The following SGCZ variants were observed in gnomAD, a reference collection of about 807,000 sequenced individuals.
SGCZ encodes sarcoglycan zeta, also known as zeta-sarcoglycan.
SGCZ carries 40 observed loss-of-function variants against 41.3 expected under a neutral mutation model. That is an observed-to-expected ratio of 0.97 (90% confidence interval 0.75 to 1.26). The LOEUF (loss-of-function observed/expected upper bound fraction) is 1.26. SGCZ is among the 50% of genes most tolerant of loss of function. The pLI is 0.00. For synonymous variants in SGCZ, 206 were observed against 137.5 expected, an observed-to-expected ratio of 1.50 and a Z score of -3.49; for missense variants, 552 against 369.8, an observed-to-expected ratio of 1.49 and a Z score of -4.04.
At chr8:14,815,933 C>A (rs954094668) in intron 1 of SGCZ, among the ~76,000 whole-genome samples, 3 of 152,158 alleles carry the variant, frequency 2.0e-5, no homozygotes, top group African/African-American at 7.2e-5. Flanking sequence ...TGTTGGTCCA[C>A]CCTCTTTAGA....
intron 1 of SGCZ, among the ~76,000 whole-genome samples, chr8:14,652,209 C>T (rs527265608): frequency 6.2e-4 from 94 of 151,154 alleles, no homozygotes; most frequent in African/African-American, 2.1e-3. Flanking sequence ...GGCGTGGTGG[C>T]GAATGCATGT....
intron 3 of SGCZ, among the ~76,000 whole-genome samples, chr8:14,281,796 T>C (rs958252858): frequency 6.6e-6 from 1 of 152,120 alleles, no homozygotes; most frequent in Non-Finnish European, 1.5e-5. Context: ...ATAAGTACAC[T>C]TCTAAGAAAT....
chr8:14,814,569 C>T lies in SGCZ; in HGVS notation c.40-259643G>A, dbSNP rs938043454. Among the ~76,000 whole-genome samples, 5 of 152,246 alleles carry T rather than the reference C, an allele frequency of 3.3e-5. No individual in the cohort carries two copies. In the East Asian group the frequency reaches 9.7e-4, roughly 29 times the overall value. On this transcript the variant is annotated intron_variant, in intron 1 of 7. Coordinates refer to ENST00000382080, the MANE Select transcript of SGCZ (RefSeq NM_139167.4). Reference sequence around the variant, plus strand: ...ATCTCATAGCCAAAGAAATAATTGACCTTCTATCTATCTTGTTATTTGGCC... The same window carrying T: ...ATCTCATAGCCAAAGAAATAATTGATCTTCTATCTATCTTGTTATTTGGCC...
At chr8:14,535,993 A>G (rs1201442084) in intron 2 of SGCZ, among the ~76,000 whole-genome samples, 3 of 151,902 alleles carry the variant, frequency 2.0e-5, no homozygotes, top group Non-Finnish European at 2.9e-5. Context: ...TGATTAATCA[A>G]TAAGCTTAGG....
chr8:14,728,838 T>A (rs2130227209), intron 1 of SGCZ, among the ~76,000 whole-genome samples: 1 of 152,244 alleles, frequency 6.6e-6, no homozygotes, highest in East Asian at 1.9e-4. Flanking sequence ...AGCAAATACA[T>A]CCCAAGTTCT....
intron 3 of SGCZ, among the ~76,000 whole-genome samples, chr8:14,292,166 G>C (rs117151302): frequency 9.2e-5 from 14 of 152,084 alleles, no homozygotes; most frequent in Admixed American, 9.2e-4. Context: ...GTACGAACTA[G>C]GAGCTAGATG....
chr8:14,453,691 C>G (rs1800662193), intron 2 of SGCZ, among the ~76,000 whole-genome samples: 1 of 152,180 alleles, frequency 6.6e-6, no homozygotes, highest in Non-Finnish European at 1.5e-5. Flanking sequence ...ATGCTAATCC[C>G]TACAGATTTT....
At chr8:14,402,033 G>A (rs1799091491) in intron 2 of SGCZ, among the ~76,000 whole-genome samples, 1 of 152,094 alleles carries the variant, frequency 6.6e-6, no homozygotes, top group Admixed American at 6.6e-5. Flanking sequence ...TTTCTCTGAT[G>A]GCCATGGATG....
In SGCZ at chr8:14,239,440, T is replaced by C. The variant is rs578033328; in HGVS notation, c.337-1761A>G. ...GAAAAAACTATAGGTCAAAATTATG[T>C]TCACTTTCTCTCAATATTTGTATGA... On this transcript the variant is annotated intron_variant, in intron 3 of 7. Transcript: ENST00000382080. Among the ~76,000 whole-genome samples, 3 of 152,286 alleles carry C rather than the reference T, an allele frequency of 2.0e-5. No individual in the cohort carries two copies. The South Asian group carries it at 6.2e-4, about 32-fold the overall frequency.
intron 1 of SGCZ, among the ~76,000 whole-genome samples, chr8:15,129,054 T>C (rs187093951): frequency 6.6e-6 from 1 of 152,314 alleles, no homozygotes; most frequent in East Asian, 1.9e-4. Flanking sequence ...CTCCCTATTA[T>C]CTTCCTCCAC....
intron 2 of SGCZ, among the ~76,000 whole-genome samples, chr8:14,432,069 T>A (rs370359033): frequency 6.6e-5 from 10 of 152,212 alleles, no homozygotes; most frequent in Admixed American, 2.0e-4. Context: ...GGAACACTTC[T>A]ACCCTGCTGG....
chr8:14,820,812 C>T (rs1802053028), intron 1 of SGCZ, among the ~76,000 whole-genome samples: 1 of 151,090 alleles, frequency 6.6e-6, no homozygotes, highest in African/African-American at 2.4e-5. Flanking sequence ...AACAACAAAA[C>T]CTATGGAACA....
At chr8:14,109,770 G>A (rs1249986274) in intron 5 of SGCZ, among the ~76,000 whole-genome samples, 1 of 152,068 alleles carries the variant, frequency 6.6e-6, no homozygotes, top group Admixed American at 6.6e-5. Context: ...CCTTGATCAT[G>A]AATAGAACAG....
intron 3 of SGCZ, among the ~76,000 whole-genome samples, chr8:14,274,112 T>C (rs1254043930): frequency 3.3e-5 from 5 of 152,184 alleles, no homozygotes; most frequent in Admixed American, 3.3e-4. Flanking sequence ...TTTCTTGAAG[T>C]TTCATTTGCA....
chr8:14,215,695 G>A (rs1265008510), intron 4 of SGCZ, among the ~76,000 whole-genome samples: 1 of 151,912 alleles, frequency 6.6e-6, no homozygotes, highest in Non-Finnish European at 1.5e-5. Flanking sequence ...AGAATAATAA[G>A]ATATCATAAA....
intron 2 of SGCZ, among the ~76,000 whole-genome samples, chr8:14,394,406 T>G (rs1585447114): frequency 1.3e-5 from 2 of 151,974 alleles, no homozygotes; most frequent in South Asian, 2.1e-4. Flanking sequence ...GCCTCGGCCT[T>G]TCAAAGTGCT....
intron 4 of SGCZ, among the ~76,000 whole-genome samples, chr8:14,180,503 T>C (rs1204111901): frequency 6.6e-6 from 1 of 151,980 alleles, no homozygotes; most frequent in East Asian, 1.9e-4. Context: ...GAACAAAATA[T>C]AGACTGGAAG....
intron 2 of SGCZ, among the ~76,000 whole-genome samples, chr8:14,378,508 G>A (rs1214886865): frequency 6.6e-6 from 1 of 152,006 alleles, no homozygotes; most frequent in Non-Finnish European, 1.5e-5. Flanking sequence ...CAAAATGGGG[G>A]AAAATTTTCA....
rs182821099 is a variant in SGCZ, at chr8:14,347,486, A to G, written c.235-23282T>C. 4.9e-3 allele frequency among the ~76,000 whole-genome samples: 750 copies of G among 152,226 alleles called. 5 individuals carry two copies. The highest frequency in any genetic ancestry group is 0.016 in the African/African-American group (667 of 41,556). ...GAAATTGTGTGACTTTTCTTTTCACATAATAGTTTAGTCACTGCATTAAAA... is the reference window on the plus strand; with the variant it reads ...GAAATTGTGTGACTTTTCTTTTCACGTAATAGTTTAGTCACTGCATTAAAA... On this transcript the variant is annotated intron_variant, in intron 2 of 7. Coordinates refer to ENST00000382080, the MANE Select transcript of SGCZ (RefSeq NM_139167.4).
Sources: allele counts gnomAD v4.1 joint callset (sites outside exome capture counted in the v4.1 genomes callset), GRCh38; gene constraint gnomAD v4.1.1; transcripts MANE v1.5; gene names NCBI Gene and HGNC (gene_info 2026-07-23, HGNC 2026-07-21).